PCDHGA3: variants seen among roughly 807,000 people sequenced by gnomAD.
PCDHGA3 encodes protocadherin gamma subfamily A, 3, also known as protocadherin gamma-A3.
A neutral mutation model predicts 58.5 loss-of-function variants in PCDHGA3; 40 were observed. That is an observed-to-expected ratio of 0.68 (90% CI 0.53 to 0.89). PCDHGA3 has a LOEUF of 0.89. Among genes scored for constraint, PCDHGA3 ranks in the 40% least tolerant of loss-of-function variants. The pLI, the probability that PCDHGA3 is intolerant of heterozygous loss-of-function variation, is 0.00. For missense variants in PCDHGA3, 1,223 were observed against 1,195.9 expected (o/e 1.02, Z -0.33); for synonymous variants, 530 against 525.7 (o/e 1.01, Z -0.11).
At chr5:141,387,655 C>T (rs2091029456) in intron 1 of PCDHGA3, 1 of 644,664 alleles carries the variant, frequency 1.6e-6, no homozygotes, top group Admixed American at 3.3e-5. Context: ...AAGTGGAGAG[C>T]TTGGCGCTCC....
At chr5:141,393,523 A>G in intron 1 of PCDHGA3, 1 of 1,614,018 alleles carries the variant, frequency 6.2e-7, no homozygotes, top group East Asian at 2.2e-5. Flanking sequence ...GATACAAATG[A>G]CAATGCCCCG....
intron 1 of PCDHGA3, among the ~76,000 whole-genome samples, chr5:141,458,081 G>GTTT (rs1259527184): frequency 6.6e-6 from 1 of 152,186 alleles, no homozygotes; most frequent in Non-Finnish European, 1.5e-5. Flanking sequence ...CTATATTGCC[G>GTTT]TAAGTTAAGA....
At chr5:141,422,053 G>A in intron 1 of PCDHGA3, 1 of 1,611,606 alleles carries the variant, frequency 6.2e-7, no homozygotes, top group Non-Finnish European at 8.5e-7. Context: ...GGGAATCAAC[G>A]GGGAAGTAAT....
rs1292783135 is a variant in PCDHGA3 at position 141,374,085 on chromosome 5, T to C, written c.2424+27628T>C. The stretch of plus-strand genomic sequence containing the variant: ...AGAGAAGTTCCTAATAAGCCAGTAA[T>C]GGCGCCTCCGCAGAGGCATCCGCAG... On this transcript the variant is annotated intron_variant, in intron 1 of 3. Coordinates refer to ENST00000253812, the MANE Select transcript of PCDHGA3 (RefSeq NM_018916.4). 12 of 1,528,732 alleles carry C rather than the reference T, an allele frequency of 7.8e-6. No individual in the cohort carries two copies. In the Admixed American group the frequency reaches 2.2e-4, roughly 28 times the overall value. 94.7% of individuals were successfully genotyped at this position (1,528,732 alleles called of 1,614,324 possible).
chr5:141,355,989 C>T lies in PCDHGA3; in HGVS notation c.2424+9532C>T, dbSNP rs539292307. ...TTCCTGTAGGCACTCGGCTACTCAC[C>T]GTAAAAGCCACTGATCCAGATGAAG... is the stretch of plus-strand genomic sequence containing the variant. On this transcript the variant is annotated intron_variant, in intron 1 of 3. Coordinates refer to ENST00000253812, the MANE Select transcript of PCDHGA3 (RefSeq NM_018916.4). 7 of 1,613,804 alleles carry T rather than the reference C, an allele frequency of 4.3e-6. No homozygotes were observed. The South Asian group carries it at 7.7e-5, about 18-fold the overall frequency.
In PCDHGA3 at chr5:141,356,758, T is replaced by C. The variant is rs1760332568; in HGVS notation, c.2424+10301T>C. On this transcript the variant is annotated intron_variant, in intron 1 of 3. Coordinates refer to ENST00000253812, the MANE Select transcript of PCDHGA3 (RefSeq NM_018916.4). The stretch of plus-strand genomic sequence containing the variant: ...AGGGATCCTATATGCTCTTTGCTCC[T>C]TCGACTATGAGCAGTTTAGAGACCT... The C allele has an allele frequency of 6.8e-6, 11 of 1,613,966 alleles. No individual in the cohort carries two copies. The highest frequency in any genetic ancestry group is 9.3e-6 in the Non-Finnish European group (11 of 1,179,840).
chr5:141,485,497 T>C lies in PCDHGA3; in HGVS notation c.2425-9310T>C, dbSNP rs1594488328. On this transcript the variant is annotated intron_variant, in intron 1 of 3. Coordinates refer to ENST00000253812, the MANE Select transcript of PCDHGA3 (RefSeq NM_018916.4). The surrounding 1 kb of genome is among the most constrained non-coding windows in gnomAD (Gnocchi z 5.7). ...CCAGCTGCATCGTGCCCCTGGAGTT[T>C]GTCACCGAAGGTCCTTTGGAAATGT... 6.2e-7 allele frequency: 1 copy of C among 1,614,112 alleles called. No homozygotes were observed. The highest frequency in any genetic ancestry group is 1.3e-5 in the African/African-American group (1 of 74,998).
At chr5:141,353,540 C>A (rs550805213) in intron 1 of PCDHGA3, among the ~76,000 whole-genome samples, 1 of 152,290 alleles carries the variant, frequency 6.6e-6, no homozygotes, top group South Asian at 2.1e-4. Context: ...GCATCACTAA[C>A]TTTGAGTCAA....
chr5:141,411,028 T>C (rs2095458130), intron 1 of PCDHGA3: 1 of 163,058 alleles, frequency 6.1e-6, no homozygotes, highest in Admixed American at 6.2e-5. Flanking sequence ...TTTTTTGTAT[T>C]TTTAGTAGAC....
Position 141,346,449 on chromosome 5 carries a change from C to T in PCDHGA3, c.2416C>T (p.Leu806=), listed in dbSNP as rs370215927. ...ACTTGAAATGAAAGGAGATTCCAAC[C>T]TACTTCAGGTGAGTTTATTTATTTC... is the stretch of plus-strand genomic sequence containing the variant. The part of the protein sequence containing the change: ...DLLEMKGDSN[L]LQQAPPNTDW... Residue 806 remains leucine, a synonymous_variant, in exon 1 of 4, where the codon CTA becomes TTA. Transcript: ENST00000253812. The T allele has an allele frequency of 4.3e-6, 7 of 1,614,134 alleles. No individual in the cohort carries two copies. Among genetic ancestry groups the T allele is most frequent in the Non-Finnish European group, 5.9e-6 (7 of 1,180,056 alleles).
At position 141,345,575 on chromosome 5, in the gene PCDHGA3, A is replaced by T. The variant is rs367782477; in HGVS notation, c.1542A>T (p.Leu514=). ...FVSINSNTGV[L]YALRSFDYEQ... ...CTATCAACTCCAACACTGGCGTCCT[A>T]TACGCGCTGAGATCCTTCGACTACG... Residue 514 remains leucine (L), a synonymous_variant, in exon 1 of 4, where the codon CTA becomes CTT. Transcript: ENST00000253812. The T allele has an allele frequency of 2.6e-5, 42 of 1,614,176 alleles. 1 individual carries two copies. The Middle Eastern group carries it at 1.5e-3, about 57-fold the overall frequency.
At chr5:141,362,612 G>A in intron 1 of PCDHGA3, 3 of 1,553,624 alleles carry the variant, frequency 1.9e-6, no homozygotes, top group Non-Finnish European at 2.6e-6. Flanking sequence ...CCTAATTTGG[G>A]TAGGAAGTTC....
intron 1 of PCDHGA3, among the ~76,000 whole-genome samples, chr5:141,358,637 A>C (rs1422577510): frequency 6.6e-6 from 1 of 152,218 alleles, no homozygotes; most frequent in Non-Finnish European, 1.5e-5. Context: ...TCAGTCATAT[A>C]TAAGTAGATT....
At chr5:141,483,222 C>A (rs1011389295) in intron 1 of PCDHGA3, among the ~76,000 whole-genome samples, 4 of 152,078 alleles carry the variant, frequency 2.6e-5, no homozygotes, top group African/African-American at 9.7e-5. Context: ...ACAGTCACTG[C>A]AGAAATTTGA....
At chr5:141,450,506 G>A (rs2098682958) in intron 1 of PCDHGA3, among the ~76,000 whole-genome samples, 2 of 151,914 alleles carry the variant, frequency 1.3e-5, no homozygotes, top group Admixed American at 6.6e-5. Context: ...TTTGTTTTGA[G>A]ATGGAGTCTC....
chr5:141,388,004 A>G, intron 1 of PCDHGA3: 1 of 1,482,610 alleles, frequency 6.7e-7, no homozygotes, highest in Non-Finnish European at 9.1e-7. Context: ...TTCCCGAGGA[A>G]ATGCCCAAGG....
At chr5:141,355,399 G>T in intron 1 of PCDHGA3, 1 of 1,614,086 alleles carries the variant, frequency 6.2e-7, no homozygotes, top group Non-Finnish European at 8.5e-7. Flanking sequence ...AGTCCGCATC[G>T]TCTCCAGAGG....
chr5:141,489,013 C>T lies in PCDHGA3; in HGVS notation c.2425-5794C>T, dbSNP rs533320646. ...AGGTGGGAGATCTGCTCTTCCAGCC[C>T]GCCTCTCCTCCTCCAGCTCCCCAGC... On this transcript the variant is annotated intron_variant, in intron 1 of 3. Coordinates refer to ENST00000253812, the MANE Select transcript of PCDHGA3 (RefSeq NM_018916.4). The surrounding 1 kb of genome is among the most constrained non-coding windows in gnomAD (Gnocchi z 4.5). 4.6e-5 allele frequency: 20 copies of T among 438,612 alleles called. No homozygotes were observed. Among genetic ancestry groups the T allele is most frequent in the East Asian group, 2.7e-4 (8 of 29,802 alleles). The allele number at this position is 438,612 out of a possible 1,614,324, so 27.2% of individuals were successfully genotyped here.
chr5:141,356,859 G>A (rs1198453770), intron 1 of PCDHGA3: 1 of 1,614,038 alleles, frequency 6.2e-7, no homozygotes, highest in Non-Finnish European at 8.5e-7. Flanking sequence ...TCTTTGTGCT[G>A]GACCAGAACG....
Sources: gnomAD v4.1 joint callset for allele counts (sites outside exome capture counted in the v4.1 genomes callset) on GRCh38, gnomAD v4.1.1 for gene constraint, Gnocchi (gnomAD v3.1) non-coding constraint, MANE v1.5 for transcripts, NCBI Gene and HGNC (gene_info 2026-07-23, HGNC 2026-07-21) for gene names.